KIAA0825: variants seen among roughly 807,000 people sequenced by gnomAD.
The protein encoded by KIAA0825 is uncharacterized protein KIAA0825.
Under a neutral mutation model 147.6 loss-of-function variants are expected in KIAA0825, and 119 were observed. The observed-to-expected ratio is 0.81, with a 90% CI of 0.69 to 0.94. The LOEUF is 0.94. Among genes scored for constraint, KIAA0825 ranks in the 40% least tolerant of loss-of-function variants. The pLI, the probability that KIAA0825 is intolerant of heterozygous loss-of-function variation, is 0.00. For synonymous variants in KIAA0825, 470 were observed against 518.1 expected, an observed-to-expected ratio of 0.91 and a Z score of 1.26; for missense variants, 1,381 against 1,472.7, an observed-to-expected ratio of 0.94 and a Z score of 1.02.
intron 20 of KIAA0825, among the ~76,000 whole-genome samples, chr5:94,265,537 A>G (rs1267689161): frequency 6.6e-6 from 1 of 152,162 alleles, no homozygotes; most frequent in Non-Finnish European, 1.5e-5. Flanking sequence ...GGTGGCTTAC[A>G]CCTGCAATCC....
chr5:94,153,277 T>C lies in KIAA0825; in HGVS notation c.*730A>G, dbSNP rs1305167965. The C allele has an allele frequency of 1.3e-5, 2 of 152,058 alleles. No homozygotes were observed. The highest frequency in any genetic ancestry group is 1.5e-5 in the Non-Finnish European group (1 of 68,020). The allele number at this position is 152,058 out of a possible 1,614,324, so 9.4% of individuals were successfully genotyped here. A position where few individuals can be genotyped will look rare whatever the true frequency, so the allele number is the denominator to read the frequency against. On this transcript the variant is annotated 3_prime_UTR_variant, in exon 21 of 21. Coordinates refer to ENST00000682413, the MANE Select transcript of KIAA0825 (RefSeq NM_001145678.3). The stretch of plus-strand genomic sequence containing the variant: ...GGGTAAAGATTGCTGGAATTAGTTT[T>C]GAGCCTAATTTTGGAAGAAAGATGG...
chr5:94,159,077 A>G (rs1280755596), intron 20 of KIAA0825, among the ~76,000 whole-genome samples: 2 of 152,002 alleles, frequency 1.3e-5, no homozygotes, highest in Non-Finnish European at 2.9e-5. Context: ...AGGGCTGATG[A>G]CTCTGTGGTT....
chr5:94,391,065 C>T (rs1231333932), intron 18 of KIAA0825, among the ~76,000 whole-genome samples: 1 of 152,128 alleles, frequency 6.6e-6, no homozygotes, highest in African/African-American at 2.4e-5. Flanking sequence ...AATGAATTTT[C>T]CTAGGTTAAT....
In KIAA0825 at chr5:94,396,127, C is replaced by T; in HGVS notation, c.3270G>A (p.Leu1090=). The part of the protein sequence containing the change: ...QKPNWIERQL[L]KARKLSTECA... Reference sequence around the variant, plus strand: ...ATTCAGTGCTCAGTTTCCTTGCTTTCAACAATTGACGTTCAATCCAGTTGG... The same window carrying T: ...ATTCAGTGCTCAGTTTCCTTGCTTTTAACAATTGACGTTCAATCCAGTTGG... The change falls in exon 17 of 21, where the codon TTG becomes TTA. Residue 1090 remains leucine, a synonymous_variant. Transcript: ENST00000682413. 6.7e-7 allele frequency: 1 copy of T among 1,498,198 alleles called. No homozygotes were observed. The highest frequency in any genetic ancestry group is 8.9e-7 in the Non-Finnish European group (1 of 1,124,408). The allele number at this position is 1,498,198 out of a possible 1,614,324, so 92.8% of individuals were successfully genotyped here.
chr5:94,353,648 T>C (rs1783940959), intron 20 of KIAA0825, among the ~76,000 whole-genome samples: 1 of 152,180 alleles, frequency 6.6e-6, no homozygotes, highest in African/African-American at 2.4e-5. Context: ...AATATCTTCT[T>C]ATATACATTT....
At chr5:94,209,673 T>C (rs1772525045) in intron 20 of KIAA0825, among the ~76,000 whole-genome samples, 1 of 152,222 alleles carries the variant, frequency 6.6e-6, no homozygotes. Context: ...CTTCTAAGCT[T>C]TTTTAATGGT....
At chr5:94,496,431 C>T (rs914885127) in intron 5 of KIAA0825, among the ~76,000 whole-genome samples, 118 of 152,130 alleles carry the variant, frequency 7.8e-4, no homozygotes, top group Middle Eastern at 3.4e-3. Flanking sequence ...TTTGTCAACC[C>T]CTGCCCTCAG....
chr5:94,403,436 C>T (rs944110554), intron 16 of KIAA0825, 133 bp downstream of exon 16: 23 of 639,278 alleles, frequency 3.6e-5, no homozygotes, highest in Admixed American at 5.8e-5. Context: ...AAATAAGGGT[C>T]GCACATCTAC....
intron 20 of KIAA0825, among the ~76,000 whole-genome samples, chr5:94,381,413 C>G (rs1748395177): frequency 6.6e-6 from 1 of 152,174 alleles, no homozygotes; most frequent in African/African-American, 2.4e-5. Context: ...GCAAAACTTG[C>G]ATTTGTTGCA....
At chr5:94,375,873 T>G (rs1243616431) in intron 20 of KIAA0825, among the ~76,000 whole-genome samples, 2 of 152,222 alleles carry the variant, frequency 1.3e-5, no homozygotes, top group Non-Finnish European at 2.9e-5. Context: ...ATATCCCTAG[T>G]ACATTGTTAC....
At chr5:94,391,160 G>C (rs1749841899) in intron 18 of KIAA0825, among the ~76,000 whole-genome samples, 1 of 152,120 alleles carries the variant, frequency 6.6e-6, no homozygotes. Context: ...ACACAAGCAT[G>C]ATATCTGCAG....
chr5:94,389,595 C>G (rs1003554480), intron 18 of KIAA0825, among the ~76,000 whole-genome samples: 1 of 152,214 alleles, frequency 6.6e-6, no homozygotes, highest in Non-Finnish European at 1.5e-5. Context: ...TAGGCCTGTA[C>G]CCATAAATGC....
At chr5:94,285,887 T>C (rs898820181) in intron 20 of KIAA0825, among the ~76,000 whole-genome samples, 1 of 152,126 alleles carries the variant, frequency 6.6e-6, no homozygotes, top group African/African-American at 2.4e-5. Flanking sequence ...AACCAGAAGC[T>C]AGAGTCGAGG....
At chr5:94,571,195 C>G (rs894028318) in intron 2 of KIAA0825, among the ~76,000 whole-genome samples, 1 of 152,066 alleles carries the variant, frequency 6.6e-6, no homozygotes, top group Admixed American at 6.5e-5. Context: ...TTTAATAGTA[C>G]CAAGAGAAAA....
intron 20 of KIAA0825, among the ~76,000 whole-genome samples, chr5:94,230,349 G>A (rs866575029): frequency 1.3e-5 from 2 of 152,232 alleles, no homozygotes; most frequent in Middle Eastern, 3.4e-3. Context: ...ATCCTATGGA[G>A]GAGGAAATTG....
At chr5:94,425,828 G>A (rs1754783636) in intron 14 of KIAA0825, among the ~76,000 whole-genome samples, 1 of 151,842 alleles carries the variant, frequency 6.6e-6, no homozygotes, top group African/African-American at 2.4e-5. Context: ...TAAGATGATA[G>A]CTCATGGCAT....
intron 20 of KIAA0825, among the ~76,000 whole-genome samples, chr5:94,181,591 TAG>T (rs2149977864): frequency 6.6e-6 from 1 of 152,292 alleles, no homozygotes; most frequent in South Asian, 2.1e-4. Context: ...CCAATGAAAT[TAG>T]AGTCAATTAA....
chr5:94,294,940 G>A (rs575205124), intron 20 of KIAA0825, among the ~76,000 whole-genome samples: 5 of 152,084 alleles, frequency 3.3e-5, no homozygotes, highest in South Asian at 2.1e-4. Context: ...TGGTGTTCTC[G>A]TATTTCCTTA....
chr5:94,254,289 C>A (rs1224006656), intron 20 of KIAA0825, among the ~76,000 whole-genome samples: 1 of 152,062 alleles, frequency 6.6e-6, no homozygotes, highest in Non-Finnish European at 1.5e-5. Context: ...AACATAGTAT[C>A]CAATTAGCTC....
Sources: gnomAD v4.1 joint callset for allele counts (sites outside exome capture counted in the v4.1 genomes callset) on GRCh38, gnomAD v4.1.1 for gene constraint, MANE v1.5 for transcripts, NCBI Gene and HGNC (gene_info 2026-07-23, HGNC 2026-07-21) for gene names.